The following ANTXR1 variants were observed in gnomAD, a reference collection of about 807,000 sequenced individuals.
ANTXR1 encodes the protein ANTXR cell adhesion molecule 1.
A neutral mutation model predicts 78.1 loss-of-function variants in ANTXR1; 19 were observed. The observed-to-expected ratio is 0.24, with a 90% CI of 0.17 to 0.36. The LOEUF (loss-of-function observed/expected upper bound fraction) is 0.36, where lower values mean the gene tolerates loss of function less well. ANTXR1 is among the 10% of genes least tolerant of loss of function. ANTXR1 has a pLI of 1.00. For missense variants in ANTXR1, 518 were observed against 718.6 expected (o/e 0.72, Z 3.19); for synonymous variants, 273 against 260.5 (o/e 1.05, Z -0.46).
At chr2:69,090,591 T>C in intron 8 of ANTXR1, 2 of 523,224 alleles carry the variant, frequency 3.8e-6, no homozygotes, top group Non-Finnish European at 3.5e-6. Flanking sequence ...AGGACTGGCA[T>C]AGCATAGGCT....
chr2:69,027,976 A>G (rs1671401071), intron 1 of ANTXR1, among the ~76,000 whole-genome samples: 1 of 152,196 alleles, frequency 6.6e-6, no homozygotes, highest in Non-Finnish European at 1.5e-5. Flanking sequence ...CCAAAGAAGC[A>G]GTAAAGAGCA....
At chr2:69,152,363 G>A (rs903899275) in intron 13 of ANTXR1, 99 bp downstream of exon 13, 3 of 1,233,010 alleles carry the variant, frequency 2.4e-6, no homozygotes, top group African/African-American at 3.0e-5. Flanking sequence ...CTAAAGATGG[G>A]AGACAAATCT....
At chr2:69,118,674 C>T (rs1244814839) in intron 10 of ANTXR1, among the ~76,000 whole-genome samples, 4 of 151,662 alleles carry the variant, frequency 2.6e-5, no homozygotes, top group African/African-American at 4.8e-5. Flanking sequence ...ACATATGTCA[C>T]GACACCACTG....
chr2:69,188,705 G>T (rs1436850923), intron 16 of ANTXR1, among the ~76,000 whole-genome samples: 1 of 152,240 alleles, frequency 6.6e-6, no homozygotes, highest in Non-Finnish European at 1.5e-5. Flanking sequence ...TGGGCATTTT[G>T]CCAGGGAGTG....
chr2:69,168,188 G>C (rs901645771), intron 13 of ANTXR1, among the ~76,000 whole-genome samples: 1 of 152,114 alleles, frequency 6.6e-6, no homozygotes, highest in African/African-American at 2.4e-5. Flanking sequence ...ATGCAGGGGG[G>C]GTATGAAAGA....
At chr2:69,075,088 G>A (rs1338300027) in intron 6 of ANTXR1, among the ~76,000 whole-genome samples, 6 of 152,072 alleles carry the variant, frequency 3.9e-5, no homozygotes, top group African/African-American at 9.7e-5. Flanking sequence ...ATATGCTGAC[G>A]TTTATGAGTA....
chr2:69,152,627 A>G (rs1473643120), intron 13 of ANTXR1, among the ~76,000 whole-genome samples: 1 of 152,208 alleles, frequency 6.6e-6, no homozygotes, highest in Non-Finnish European at 1.5e-5. Flanking sequence ...ACACACATAC[A>G]CATTTGTTGA....
chr2:69,166,400 G>T (rs1458081783), intron 13 of ANTXR1, among the ~76,000 whole-genome samples: 1 of 152,058 alleles, frequency 6.6e-6, no homozygotes, highest in Non-Finnish European at 1.5e-5. Context: ...TAGAATTCAG[G>T]AGTTCCATAT....
chr2:69,242,884 C>T (rs1350591000), intron 17 of ANTXR1, among the ~76,000 whole-genome samples: 3 of 152,180 alleles, frequency 2.0e-5, no homozygotes, highest in South Asian at 2.1e-4. Flanking sequence ...CTTGAACAGC[C>T]GGGAATGTAC....
intron 17 of ANTXR1, among the ~76,000 whole-genome samples, chr2:69,217,804 C>T (rs1402738329): frequency 1.4e-5 from 2 of 144,664 alleles, no homozygotes; most frequent in Admixed American, 6.9e-5. Flanking sequence ...TAGGCACTAG[C>T]GGTATATGGA....
Position 69,013,864 on chromosome 2 carries a change from G to A in ANTXR1, c.152+213G>A, listed in dbSNP as rs1227039568. ...CAGAGCCCGCAGCCGAGGCGACGCC[G>A]CTTGCTCGGAAGGGGACAGACTTCT... On this transcript the variant is annotated intron_variant, in intron 1 of 17. Transcript: ENST00000303714. This position sits in a 1 kb window ranked among gnomAD's most constrained non-coding sequence, Gnocchi z 5.0. Among the ~76,000 whole-genome samples the A allele has an allele frequency of 6.6e-6, 1 of 152,226 alleles. No homozygotes were observed. The highest frequency in any genetic ancestry group is 1.5e-5 in the Non-Finnish European group (1 of 68,044).
chr2:69,235,594 G>A (rs528861866), intron 17 of ANTXR1, among the ~76,000 whole-genome samples: 121 of 145,274 alleles, frequency 8.3e-4, no homozygotes, highest in African/African-American at 3.0e-3. Context: ...AGAGGTTGCA[G>A]TGAGCTGAGA....
intron 13 of ANTXR1, among the ~76,000 whole-genome samples, chr2:69,163,960 G>C (rs1459986271): frequency 2.6e-5 from 4 of 152,180 alleles, no homozygotes; most frequent in African/African-American, 7.2e-5. Flanking sequence ...ATCATATTTT[G>C]AGCTGGCACA....
chr2:69,076,427 T>C (rs1670732977), intron 7 of ANTXR1, among the ~76,000 whole-genome samples: 1 of 152,358 alleles, frequency 6.6e-6, no homozygotes, highest in African/African-American at 2.4e-5. Context: ...AATAAGCAAG[T>C]TGTAAAAGCT....
At chr2:69,069,263 A>T (rs1021358888) in intron 3 of ANTXR1, among the ~76,000 whole-genome samples, 1 of 152,220 alleles carries the variant, frequency 6.6e-6, no homozygotes, top group Admixed American at 6.5e-5. Flanking sequence ...AGTATTTATC[A>T]TACTGATTAA....
chr2:69,200,171 G>A (rs975575633), intron 17 of ANTXR1, among the ~76,000 whole-genome samples: 1 of 152,142 alleles, frequency 6.6e-6, no homozygotes, highest in Non-Finnish European at 1.5e-5. Context: ...CTGGCATCAG[G>A]AGGCCGGTAC....
At chr2:69,082,456 C>T (rs530092174) in intron 8 of ANTXR1, among the ~76,000 whole-genome samples, 1 of 152,208 alleles carries the variant, frequency 6.6e-6, no homozygotes, top group East Asian at 1.9e-4. Context: ...ATTCCTGTGC[C>T]TTCTCATATT....
At chr2:69,172,779 G>A (rs1449200755) in intron 14 of ANTXR1, among the ~76,000 whole-genome samples, 1 of 152,082 alleles carries the variant, frequency 6.6e-6, no homozygotes, top group African/African-American at 2.4e-5. Context: ...TGTAACCAAC[G>A]GTGACACACT....
chr2:69,126,359 T>A (rs1220354375), intron 12 of ANTXR1, among the ~76,000 whole-genome samples: 1 of 152,196 alleles, frequency 6.6e-6, no homozygotes, highest in African/African-American at 2.4e-5. Context: ...CTCAGACATC[T>A]GGTCAACCCT....
Sources: allele counts gnomAD v4.1 joint callset (sites outside exome capture counted in the v4.1 genomes callset), GRCh38; gene constraint gnomAD v4.1.1; non-coding constraint Gnocchi (gnomAD v3.1); transcripts MANE v1.5; gene names NCBI Gene and HGNC (gene_info 2026-07-23, HGNC 2026-07-21).